The following ERBIN variants were observed in gnomAD, a reference collection of about 807,000 sequenced individuals.
The protein encoded by ERBIN is erbb2 interacting protein.
In ERBIN, 60 loss-of-function variants were observed where a neutral mutation model predicts 158.4. That is an observed-to-expected ratio of 0.38 (90% confidence interval 0.31 to 0.47). The LOEUF is 0.47. Ranked by LOEUF, ERBIN falls within the 20% of genes least tolerant of loss-of-function variation. The pLI, the probability that ERBIN is intolerant of heterozygous loss-of-function variation, is 0.99. For missense variants in ERBIN, 1,610 were observed against 1,648.0 expected (o/e 0.98, Z 0.40); for synonymous variants, 594 against 557.2 (o/e 1.07, Z -0.93).
chr5:66,003,572 T>C (rs1753224253), intron 4 of ERBIN, among the ~76,000 whole-genome samples: 1 of 152,230 alleles, frequency 6.6e-6, no homozygotes, highest in Non-Finnish European at 1.5e-5. Context: ...TGCTGTTTGG[T>C]ATTTTTTGGC....
In ERBIN at chr5:66,054,653, C is replaced by T. The variant is rs3805466; in HGVS notation, c.3335C>T (p.Ser1112Leu). Residue 1112 changes from serine to leucine, a missense_variant, in exon 21 of 26, where the codon TCA (serine) becomes TTA (leucine). This residue lies in a region of ERBIN where 1,014 missense variants were observed against 936.1 expected (regional missense o/e 1.08). Transcript: ENST00000284037. ...GDYLSYREFHSAGRTPPMMPG... is the reference protein window; with the variant it reads ...GDYLSYREFHLAGRTPPMMPG... ...TATTTATCATACAGAGAGTTCCACT[C>T]AGCGGGAAGAACTCCTCCAATGATG... is the stretch of plus-strand genomic sequence containing the variant. The T allele has an allele frequency of 0.059, 94,903 of 1,613,998 alleles. 5,488 individuals are homozygous for T. Among genetic ancestry groups the T allele is most frequent in the Admixed American group, 0.28 (16,713 of 59,972 alleles).
chr5:66,038,550 T>G, intron 15 of ERBIN, 68 bp downstream of exon 15: 2 of 1,202,036 alleles, frequency 1.7e-6, no homozygotes. Flanking sequence ...AAGTGAACTT[T>G]AAGTCTCAGA....
chr5:66,010,652 T>C (rs10043522), intron 4 of ERBIN, among the ~76,000 whole-genome samples: 1 of 152,210 alleles, frequency 6.6e-6, no homozygotes, highest in Admixed American at 6.5e-5. Context: ...TAAAGTTGTT[T>C]ACTTAAAATC....
chr5:66,033,749 G>T (rs77264559), intron 14 of ERBIN, among the ~76,000 whole-genome samples: 1 of 152,154 alleles, frequency 6.6e-6, no homozygotes, highest in African/African-American at 2.4e-5. Flanking sequence ...CAGGAAAAGC[G>T]CAGGGATCCT....
At chr5:66,051,760 T>G (rs1759039920) in intron 20 of ERBIN, among the ~76,000 whole-genome samples, 1 of 151,812 alleles carries the variant, frequency 6.6e-6, no homozygotes, top group Admixed American at 6.6e-5. Flanking sequence ...CCATGTGTGG[T>G]GGCATGTGCC....
At chr5:65,980,555 A>G (rs575538886) in intron 1 of ERBIN, among the ~76,000 whole-genome samples, 4 of 152,364 alleles carry the variant, frequency 2.6e-5, no homozygotes, top group South Asian at 2.1e-4. Flanking sequence ...TTTGATTTCT[A>G]AAAGGACCCA....
At chr5:66,046,693 C>T (rs1347624573) in intron 18 of ERBIN, among the ~76,000 whole-genome samples, 155 bp downstream of exon 18, 1 of 152,154 alleles carries the variant, frequency 6.6e-6, no homozygotes. Flanking sequence ...TCACTTGTCA[C>T]TTTAAACTTA....
intron 14 of ERBIN, 69 bp downstream of exon 14, chr5:66,028,412 C>A: frequency 1.6e-6 from 2 of 1,219,236 alleles, no homozygotes; most frequent in Non-Finnish European, 2.4e-6. Context: ...CTCCGATTTA[C>A]ATAGGGTCAT....
chr5:65,956,062 G>A (rs1280279567), intron 1 of ERBIN, among the ~76,000 whole-genome samples: 1 of 152,172 alleles, frequency 6.6e-6, no homozygotes, highest in African/African-American at 2.4e-5. Context: ...TATTCTGAGG[G>A]ATCTGGAAAT....
chr5:65,968,249 T>C (rs1449002520), intron 1 of ERBIN, among the ~76,000 whole-genome samples: 2 of 152,324 alleles, frequency 1.3e-5, no homozygotes, highest in South Asian at 2.1e-4. Flanking sequence ...GAAGGTATCA[T>C]GATGGGGAGA....
At chr5:66,013,463 G>A in intron 5 of ERBIN, 86 bp from the exon 6 acceptor site, 1 of 979,724 alleles carries the variant, frequency 1.0e-6, no homozygotes. Flanking sequence ...CTGTCTGTTG[G>A]GAAAATATCT....
intron 7 of ERBIN, among the ~76,000 whole-genome samples, chr5:66,018,492 T>A (rs377686813): frequency 0.055 from 460 of 8,372 alleles, 118 homozygotes; most frequent in Non-Finnish European, 0.082. Flanking sequence ...ATATATTATA[T>A]TATATAATAT....
chr5:65,980,138 G>A (rs958112390), intron 1 of ERBIN, among the ~76,000 whole-genome samples: 1 of 152,178 alleles, frequency 6.6e-6, no homozygotes, highest in Non-Finnish European at 1.5e-5. Context: ...ATATGATACT[G>A]GGTGTGGTGG....
At chr5:65,948,983 C>CA (rs1746162648) in intron 1 of ERBIN, among the ~76,000 whole-genome samples, 1 of 151,938 alleles carries the variant, frequency 6.6e-6, no homozygotes, top group Non-Finnish European at 1.5e-5. Flanking sequence ...AGGCTGGTCT[C>CA]AAACTCCTGA....
At chr5:65,930,452 C>T (rs1333702917) in intron 1 of ERBIN, among the ~76,000 whole-genome samples, 4 of 151,786 alleles carry the variant, frequency 2.6e-5, no homozygotes, top group Non-Finnish European at 4.4e-5. Flanking sequence ...GGACTAGAGG[C>T]GCCCGCCACT....
At chr5:65,936,508 C>T (rs1246359266) in intron 1 of ERBIN, among the ~76,000 whole-genome samples, 5 of 152,104 alleles carry the variant, frequency 3.3e-5, no homozygotes, top group African/African-American at 7.2e-5. Flanking sequence ...TCGTGGATAC[C>T]TGGTATCAAC....
intron 13 of ERBIN, 73 bp downstream of exon 13, chr5:66,026,490 A>G (rs1756270081): frequency 1.4e-6 from 1 of 706,156 alleles, no homozygotes; most frequent in South Asian, 2.6e-5. Context: ...CATATGATAT[A>G]TAATAGAATA....
In ERBIN at chr5:65,926,704, CGAGA is replaced by C. The variant is rs971139713; in HGVS notation, c.-155_-152del. The C allele has an allele frequency of 6.6e-6, 1 of 151,914 alleles. No individual in the cohort carries two copies. Among genetic ancestry groups the C allele is most frequent in the Non-Finnish European group, 1.5e-5 (1 of 68,004 alleles). The allele number at this position is 151,914 out of a possible 1,614,324, so 9.4% of individuals were successfully genotyped here. ...AGGCCAGTCCACATCCGCTCTCACC[CGAGA>C]GAGATATTCAGCTGGATCCAAAGTG... On this transcript the variant is annotated 5_prime_UTR_variant, in exon 1 of 26. Coordinates refer to ENST00000284037, the MANE Select transcript of ERBIN (RefSeq NM_001253697.2).
At position 66,014,474 on chromosome 5, in the gene ERBIN, C is replaced by T. The variant is rs929033784; in HGVS notation, c.477-195C>T. Among the ~76,000 whole-genome samples the T allele has an allele frequency of 3.9e-5, 6 of 152,132 alleles. No homozygotes were observed. The East Asian group carries it at 9.6e-4, about 24-fold the overall frequency. ...ATGTGTGGAAGTGCTAACCCTTTTC[C>T]TCTGACCACAATTTTGAGGAGCAAA... On this transcript the variant is annotated intron_variant, in intron 6 of 25. Coordinates refer to ENST00000284037, the MANE Select transcript of ERBIN (RefSeq NM_001253697.2).
Sources: allele counts gnomAD v4.1 joint callset (sites outside exome capture counted in the v4.1 genomes callset), GRCh38; gene constraint gnomAD v4.1.1; regional missense constraint gnomAD v4.1.1; transcripts MANE v1.5; gene names NCBI Gene and HGNC (gene_info 2026-07-23, HGNC 2026-07-21).